Variants in CADM2 observed in about 807,000 individuals in gnomAD.
The protein encoded by CADM2 is cell adhesion molecule 2.
CADM2 carries 12 observed loss-of-function variants against 49.8 expected under a neutral mutation model. The ratio of observed to expected loss-of-function variants is 0.24; its 90% CI spans 0.15 to 0.39. The LOEUF (loss-of-function observed/expected upper bound fraction) is 0.39. Ranked by LOEUF, CADM2 falls within the 10% of genes least tolerant of loss-of-function variation. The pLI, the probability that CADM2 is intolerant of heterozygous loss-of-function variation, is 1.00. For synonymous variants in CADM2, 214 were observed against 175.4 expected, an observed-to-expected ratio of 1.22 and a Z score of -1.74; for missense variants, 378 against 492.3, an observed-to-expected ratio of 0.77 and a Z score of 2.20.
At chr3:85,328,811 C>T (rs937157188) in intron 1 of CADM2, among the ~76,000 whole-genome samples, 8 of 150,028 alleles carry the variant, frequency 5.3e-5, no homozygotes, top group African/African-American at 2.0e-4. Context: ...TTGATTTAGT[C>T]TTATATCTAA....
At chr3:86,018,536 C>T (rs1046267943) in intron 8 of CADM2, among the ~76,000 whole-genome samples, 1 of 152,096 alleles carries the variant, frequency 6.6e-6, no homozygotes, top group Non-Finnish European at 1.5e-5. Flanking sequence ...CTCTCTAGCA[C>T]CTGTTGTTTC....
chr3:85,367,095 T>C (rs1207279032), intron 1 of CADM2, among the ~76,000 whole-genome samples: 1 of 152,048 alleles, frequency 6.6e-6, no homozygotes, highest in Non-Finnish European at 1.5e-5. Context: ...TCCAATTAAT[T>C]ATCGGTTTTG....
chr3:85,991,106 G>A (rs910482637), intron 8 of CADM2, among the ~76,000 whole-genome samples: 3 of 152,078 alleles, frequency 2.0e-5, no homozygotes, highest in Non-Finnish European at 4.4e-5. Flanking sequence ...ACAGGGACTG[G>A]GAGTTAAGGC....
At chr3:85,954,987 T>G (rs1219005861) in intron 7 of CADM2, among the ~76,000 whole-genome samples, 3 of 151,274 alleles carry the variant, frequency 2.0e-5, no homozygotes, top group Non-Finnish European at 3.0e-5. Flanking sequence ...TTAATAATAT[T>G]TACTGCCCAT....
rs72915069 is a variant in CADM2 at position 85,230,488 on chromosome 3, G to A, written c.61+270820G>A. Among the ~76,000 whole-genome samples, 983 of 152,262 alleles carry A rather than the reference G, an allele frequency of 6.5e-3. 13 individuals carry two copies. Among genetic ancestry groups the A allele is most frequent in the African/African-American group, 0.022 (918 of 41,566 alleles). On this transcript the variant is annotated intron_variant, in intron 1 of 9. Transcript: ENST00000383699. ...GATATTAGATTAGTGATTTTACTTA[G>A]TATTCACCTTATGCTTAGAAGGTGT... is the stretch of plus-strand genomic sequence containing the variant.
chr3:85,026,967 C>T (rs56808719), intron 1 of CADM2, among the ~76,000 whole-genome samples: 62,315 of 151,584 alleles, frequency 0.41, 14,379 homozygotes, highest in African/African-American at 0.61. Flanking sequence ...TATAGACTAA[C>T]GACAGCTAGG....
chr3:85,134,329 A>G (rs2039347867), intron 1 of CADM2, among the ~76,000 whole-genome samples: 1 of 152,194 alleles, frequency 6.6e-6, no homozygotes, highest in Non-Finnish European at 1.5e-5. Flanking sequence ...GGCGGGCCGA[A>G]GGGCCCCTCA....
chr3:85,668,101 T>C (rs934039007), intron 1 of CADM2, among the ~76,000 whole-genome samples: 1 of 151,878 alleles, frequency 6.6e-6, no homozygotes, highest in Non-Finnish European at 1.5e-5. Flanking sequence ...TTTTCCATAT[T>C]TTGAAATTTT....
chr3:85,987,589 T>C (rs1388489896), intron 8 of CADM2, among the ~76,000 whole-genome samples: 1 of 147,228 alleles, frequency 6.8e-6, no homozygotes, highest in Non-Finnish European at 1.5e-5. Context: ...TTAAAATAAA[T>C]AAAATTGTTA....
At chr3:85,818,651 TC>T (rs1159928191) in intron 3 of CADM2, among the ~76,000 whole-genome samples, 4 of 152,312 alleles carry the variant, frequency 2.6e-5, no homozygotes, top group African/African-American at 9.6e-5. Flanking sequence ...CTAGCTATTA[TC>T]TTTTATCTTA....
intron 1 of CADM2, among the ~76,000 whole-genome samples, chr3:85,511,583 G>A (rs759524836): frequency 5.3e-5 from 8 of 152,094 alleles, no homozygotes; most frequent in Non-Finnish European, 8.8e-5. Flanking sequence ...TTGTATGCTG[G>A]TGGCAGGAAA....
Position 85,944,851 on chromosome 3 carries a change from T to C in CADM2, c.791+8994T>C, listed in dbSNP as rs542692197. ...GAAAGATCTAAAATTGACACCCTAA[T>C]ATCACAATTAAAAGAACTAGAGAAG... On this transcript the variant is annotated intron_variant, in intron 7 of 9. Coordinates refer to ENST00000383699, the MANE Select transcript of CADM2 (RefSeq NM_001167675.2). Among the ~76,000 whole-genome samples the C allele has an allele frequency of 1.4e-3, 209 of 151,832 alleles. 2 individuals carry two copies. The highest frequency in any genetic ancestry group is 4.8e-3 in the African/African-American group (200 of 41,450).
intron 3 of CADM2, among the ~76,000 whole-genome samples, chr3:85,875,561 A>T (rs1054668439): frequency 1.4e-4 from 22 of 152,172 alleles, no homozygotes; most frequent in African/African-American, 5.1e-4. Flanking sequence ...TCTAGTATGT[A>T]AAAAACAAAG....
At chr3:85,593,073 T>G (rs1366025594) in intron 1 of CADM2, among the ~76,000 whole-genome samples, 1 of 152,016 alleles carries the variant, frequency 6.6e-6, no homozygotes, top group Non-Finnish European at 1.5e-5. Context: ...CGGTTGCTAT[T>G]TTTCCCTATT....
chr3:85,357,742 GTCT>G (rs1324431223), intron 1 of CADM2, among the ~76,000 whole-genome samples: 1 of 152,154 alleles, frequency 6.6e-6, no homozygotes, highest in East Asian at 1.9e-4. Context: ...AAACTTCCAT[GTCT>G]TCTTCTTCAA....
At chr3:85,494,799 G>A (rs570492537) in intron 1 of CADM2, among the ~76,000 whole-genome samples, 194 of 152,132 alleles carry the variant, frequency 1.3e-3, no homozygotes, top group African/African-American at 4.4e-3. Flanking sequence ...ATAATAATGC[G>A]TTCATAATTT....
chr3:85,771,773 A>G (rs1035959921), intron 2 of CADM2, among the ~76,000 whole-genome samples: 7 of 152,060 alleles, frequency 4.6e-5, no homozygotes, highest in African/African-American at 1.7e-4. Context: ...TCCAAAATGA[A>G]ATATGTTTTT....
At chr3:85,530,912 AC>A (rs1444592139) in intron 1 of CADM2, among the ~76,000 whole-genome samples, 13 of 126,680 alleles carry the variant, frequency 1.0e-4, no homozygotes, top group East Asian at 4.5e-4. Context: ...ACACACACAC[AC>A]AAAATTCATT....
At chr3:85,848,713 T>C (rs2074977545) in intron 3 of CADM2, among the ~76,000 whole-genome samples, 1 of 152,182 alleles carries the variant, frequency 6.6e-6, no homozygotes, top group African/African-American at 2.4e-5. Flanking sequence ...TTTTAAATGA[T>C]TTTTCCCTGA....
Sources: allele counts gnomAD v4.1 joint callset (sites outside exome capture counted in the v4.1 genomes callset), GRCh38; gene constraint gnomAD v4.1.1; transcripts MANE v1.5; gene names NCBI Gene and HGNC (gene_info 2026-07-23, HGNC 2026-07-21).